The following TRIM50 variants were observed in gnomAD, a reference collection of about 807,000 sequenced individuals.
TRIM50 encodes E3 ubiquitin-protein ligase TRIM50.
A neutral mutation model predicts 44.9 loss-of-function variants in TRIM50; 34 were observed. The observed-to-expected ratio is 0.76, with a 90% CI of 0.58 to 1.01. The LOEUF is 1.01. TRIM50 is among the 50% of genes least tolerant of loss of function. The pLI, the probability that TRIM50 is intolerant of heterozygous loss-of-function variation, is 0.00. For synonymous variants in TRIM50, 307 were observed against 291.1 expected (o/e 1.05, Z -0.56); for missense variants, 633 against 663.7 (o/e 0.95, Z 0.51).
chr7:73,324,675 C>T lies in TRIM50; in HGVS notation c.113G>A (p.Gly38Asp), dbSNP rs782340343. Reference sequence around the variant, plus strand: ...GTGGCAGGACAGGGAAACCAGGCAGCCCTTGCAGTAAGAGTGGCCACACTG... The same window carrying T: ...GTGGCAGGACAGGGAAACCAGGCAGTCCTTGCAGTAAGAGTGGCCACACTG... Reference protein sequence around the residue: ...MLQCGHSYCKGCLVSLSCHLD... With the variant: ...MLQCGHSYCKDCLVSLSCHLD... Residue 38 changes from glycine (G) to aspartate (D), a missense_variant, in exon 2 of 7, where the codon GGC (glycine) becomes GAC (aspartate). Physicochemically the swap from Gly to Asp is moderately conservative, Grantham distance 94. Coordinates refer to ENST00000333149, the MANE Select transcript of TRIM50 (RefSeq NM_178125.3). 1.9e-6 allele frequency: 3 copies of T among 1,614,210 alleles called. No homozygotes were observed. The highest frequency in any genetic ancestry group is 1.6e-4 in the Middle Eastern group (1 of 6,062).
chr7:73,324,822 C>T lies in TRIM50; in HGVS notation c.-18-17G>A, dbSNP rs751621501. On this transcript the variant is annotated splice_polypyrimidine_tract_variant and intron_variant, in intron 1 of 6. Transcript: ENST00000333149. The stretch of plus-strand genomic sequence containing the variant: ...CTGCCCGGGCTGAAACACAGGCATC[C>T]GACCTCAGTCCTGTCCCCTCCCCTC... The T allele has an allele frequency of 5.6e-6, 9 of 1,612,212 alleles. No homozygotes were observed. The highest frequency in any genetic ancestry group is 4.4e-5 in the South Asian group (4 of 90,964).
chr7:73,326,329 C>CCGGCCT (rs1313567379), intron 1 of TRIM50, among the ~76,000 whole-genome samples: 1 of 151,732 alleles, frequency 6.6e-6, no homozygotes, highest in East Asian at 1.9e-4. Context: ...TTTTGAACTC[C>CCGGCCT]CGGCCTCAAG....
chr7:73,318,605 A>T, intron 5 of TRIM50, 82 bp downstream of exon 5: 1 of 1,611,026 alleles, frequency 6.2e-7, no homozygotes, highest in Non-Finnish European at 8.5e-7. Context: ...CGCTGGTTAA[A>T]CCGAATGGAG....
intron 5 of TRIM50, among the ~76,000 whole-genome samples, chr7:73,317,295 C>T (rs1240331758): frequency 6.6e-5 from 10 of 151,648 alleles, no homozygotes; most frequent in Non-Finnish European, 1.2e-4. Flanking sequence ...CTCAAGCAAT[C>T]CACCCACCTT....
At chr7:73,325,248 A>G (rs559001193) in intron 1 of TRIM50, among the ~76,000 whole-genome samples, 17 of 152,254 alleles carry the variant, frequency 1.1e-4, no homozygotes, top group African/African-American at 3.9e-4. Context: ...CATAGGTGTA[A>G]TAGAGATTCT....
chr7:73,327,506 C>CA (rs1554546405), intron 1 of TRIM50, among the ~76,000 whole-genome samples: 1 of 152,152 alleles, frequency 6.6e-6, no homozygotes, highest in Non-Finnish European at 1.5e-5. Flanking sequence ...ATCAATCAAT[C>CA]AGTGTCTTGT....
intron 5 of TRIM50, 113 bp downstream of exon 5, chr7:73,318,574 T>A: frequency 6.2e-7 from 1 of 1,605,688 alleles, no homozygotes; most frequent in African/African-American, 1.3e-5. Flanking sequence ...TAGAGCCAGC[T>A]GTGGGCAGCT....
At chr7:73,314,291 G>T in intron 6 of TRIM50, 1 of 330,094 alleles carries the variant, frequency 3.0e-6, no homozygotes, top group Non-Finnish European at 5.9e-6. Flanking sequence ...CTCGGTCAGG[G>T]TGCAGTGGCG....
Position 73,313,850 on chromosome 7 carries a change from C to T in TRIM50, c.875-340G>A, listed in dbSNP as rs1313390455. On this transcript the variant is annotated intron_variant, in intron 6 of 6. Transcript: ENST00000333149. This position sits in a 1 kb window ranked among gnomAD's most constrained non-coding sequence, Gnocchi z 4.9. Reference sequence around the variant, plus strand: ...AGAAATGGACACTGGGCTCGGGGTTCTGGCCTGCCTGCCTGACACAGAGGT... The same window carrying T: ...AGAAATGGACACTGGGCTCGGGGTTTTGGCCTGCCTGCCTGACACAGAGGT... Among the ~76,000 whole-genome samples the T allele has an allele frequency of 6.6e-6, 1 of 152,152 alleles. No individual in the cohort carries two copies. Among genetic ancestry groups the T allele is most frequent in the Non-Finnish European group, 1.5e-5 (1 of 68,028 alleles).
Position 73,316,688 on chromosome 7 carries a change from C to T in TRIM50, c.751G>A (p.Ala251Thr). 1 of 1,613,846 alleles carries T rather than the reference C, an allele frequency of 6.2e-7. No individual in the cohort carries two copies. Among genetic ancestry groups the T allele is most frequent in the Non-Finnish European group, 8.5e-7 (1 of 1,179,968 alleles). The change falls in exon 6 of 7, where the codon GCA becomes ACA. Residue 251 changes from alanine to threonine, a missense_variant and splice_region_variant. Coordinates refer to ENST00000333149, the MANE Select transcript of TRIM50 (RefSeq NM_178125.3). Reference protein sequence around the residue: ...IRKFHSMASRAEMPQARPLEG... With the variant: ...IRKFHSMASRTEMPQARPLEG... ...AAGGGCCGGGCCTGCGGCATCTCTG[C>T]TCTGCAGGTGACAGTTCACAGTACA...
Position 73,312,856 on chromosome 7 carries a change from G to A in TRIM50, c.*65C>T, listed in dbSNP as rs559540398. ...ATATCACCTCAGGCGGGACCCAGCA[G>A]AAGCCCGCGAGTCCCCGGTGCCCCG... On this transcript the variant is annotated 3_prime_UTR_variant, in exon 7 of 7. Coordinates refer to ENST00000333149, the MANE Select transcript of TRIM50 (RefSeq NM_178125.3). 3.0e-6 allele frequency: 4 copies of A among 1,333,024 alleles called. No individual in the cohort carries two copies. In the South Asian group the frequency reaches 6.0e-5, roughly 20 times the overall value. The allele number at this position is 1,333,024 out of a possible 1,614,324, so 82.6% of individuals were successfully genotyped here.
At chr7:73,315,712 G>A (rs1313829053) in intron 6 of TRIM50, among the ~76,000 whole-genome samples, 2 of 152,128 alleles carry the variant, frequency 1.3e-5, no homozygotes, top group Admixed American at 1.3e-4. Context: ...TCTGTTAGCA[G>A]TCTCCCTTAT....
Position 73,322,998 on chromosome 7 carries a change from T to C in TRIM50, c.399+1391A>G, listed in dbSNP as rs571846740. ...GGAATCACAGAGCTGGAGTCAACCT[T>C]CCCGTCCCTCACCCTCCTTGCCACA... On this transcript the variant is annotated intron_variant, in intron 2 of 6. Coordinates refer to ENST00000333149, the MANE Select transcript of TRIM50 (RefSeq NM_178125.3). 3.9e-5 allele frequency among the ~76,000 whole-genome samples: 6 copies of C among 152,308 alleles called. No individual in the cohort carries two copies. The South Asian group carries it at 8.3e-4, about 21-fold the overall frequency.
intron 1 of TRIM50, among the ~76,000 whole-genome samples, chr7:73,325,893 TG>T (rs1221925658): frequency 6.0e-5 from 1 of 16,546 alleles, no homozygotes; most frequent in Non-Finnish European, 1.3e-4. Flanking sequence ...GCGGGGGGGC[TG>T]GGGGGTGGGG....
intron 1 of TRIM50, 61 bp from the exon 2 acceptor site, chr7:73,324,866 C>T: frequency 1.9e-6 from 3 of 1,599,544 alleles, no homozygotes; most frequent in South Asian, 2.2e-5. Flanking sequence ...CAGCACTCAT[C>T]CACCACCCTC....
Position 73,316,487 on chromosome 7 carries a change from A to C in TRIM50, c.874+78T>G, listed in dbSNP as rs1554544068. 5.7e-6 allele frequency: 9 copies of C among 1,570,508 alleles called. No individual in the cohort carries two copies. In the Admixed American group the frequency reaches 1.4e-4, roughly 25 times the overall value. On this transcript the variant is annotated intron_variant, in intron 6 of 6. Coordinates refer to ENST00000333149, the MANE Select transcript of TRIM50 (RefSeq NM_178125.3). ...CCATCTGAGTTCTCTGTAGCTTATTATCTCTCTGATACAATCGATGAACTG... is the reference window on the plus strand; with the variant it reads ...CCATCTGAGTTCTCTGTAGCTTATTCTCTCTCTGATACAATCGATGAACTG...
At chr7:73,326,936 C>T (rs1804646352) in intron 1 of TRIM50, among the ~76,000 whole-genome samples, 1 of 152,080 alleles carries the variant, frequency 6.6e-6, no homozygotes, top group African/African-American at 2.4e-5. Flanking sequence ...GTTACAGGCG[C>T]CTGCCACCAT....
At position 73,312,896 on chromosome 7, in the gene TRIM50, T is replaced by C; in HGVS notation, c.*25A>G. 1 of 1,495,534 alleles carries C rather than the reference T, an allele frequency of 6.7e-7. No individual in the cohort carries two copies. Among genetic ancestry groups the C allele is most frequent in the East Asian group, 2.5e-5 (1 of 40,484 alleles). 92.6% of individuals were successfully genotyped at this position (1,495,534 alleles called of 1,614,324 possible). A position where few individuals can be genotyped will look rare whatever the true frequency, so the allele number is the denominator to read the frequency against. On this transcript the variant is annotated 3_prime_UTR_variant, in exon 7 of 7. Coordinates refer to ENST00000333149, the MANE Select transcript of TRIM50 (RefSeq NM_178125.3). ...CCGGTGCCCCGCCGGGATGGGCCTG[T>C]GGGCCGGCAGGACTCCGGGCGGCCC...
chr7:73,316,569 C>A lies in TRIM50; in HGVS notation c.870G>T (p.Leu290Phe). ...TVWKRLFRKV[L>F]PAPEPLKLDP... ...GAGGACGGGTCAGGGCCTCACCTGG[C>A]AAAACTTTCCGGAAGAGCCTTTTCC... is the stretch of plus-strand genomic sequence containing the variant. The change falls in exon 6 of 7, where the codon TTG becomes TTT. Residue 290 changes from leucine (L) to phenylalanine (F), a missense_variant. Transcript: ENST00000333149. 1 of 1,614,162 alleles carries A rather than the reference C, an allele frequency of 6.2e-7. No homozygotes were observed. The highest frequency in any genetic ancestry group is 8.5e-7 in the Non-Finnish European group (1 of 1,180,014).
Sources: gnomAD v4.1 joint callset for allele counts (sites outside exome capture counted in the v4.1 genomes callset) on GRCh38, gnomAD v4.1.1 for gene constraint, Gnocchi (gnomAD v3.1) non-coding constraint, MANE v1.5 for transcripts, NCBI Gene and HGNC (gene_info 2026-07-23, HGNC 2026-07-21) for gene names.